The following AUTS2 variants were observed in gnomAD, a reference collection of about 807,000 sequenced individuals.
The protein encoded by AUTS2 is autism susceptibility gene 2 protein.
A neutral mutation model predicts 112.4 loss-of-function variants in AUTS2; 17 were observed. That is an observed-to-expected ratio of 0.15 (90% CI 0.10 to 0.23). The LOEUF is 0.23. Ranked by LOEUF, AUTS2 falls within the 10% of genes least tolerant of loss-of-function variation. The pLI is 1.00. For synonymous variants in AUTS2, 751 were observed against 702.7 expected, an observed-to-expected ratio of 1.07 and a Z score of -1.09; for missense variants, 1,510 against 1,701.6, an observed-to-expected ratio of 0.89 and a Z score of 1.98.
chr7:70,542,450 G>A (rs550906187), intron 5 of AUTS2, among the ~76,000 whole-genome samples: 2 of 152,250 alleles, frequency 1.3e-5, no homozygotes, highest in African/African-American at 4.8e-5. Context: ...GTTTTTTTAA[G>A]AGCAGCTGGT....
chr7:69,901,681 T>G (rs938731745), intron 2 of AUTS2, among the ~76,000 whole-genome samples: 2 of 152,210 alleles, frequency 1.3e-5, no homozygotes, highest in South Asian at 4.1e-4. Flanking sequence ...GTAAAACTTT[T>G]AAAAACAAGG....
chr7:69,605,160 G>A (rs1161867129), intron 1 of AUTS2, among the ~76,000 whole-genome samples: 1 of 152,168 alleles, frequency 6.6e-6, no homozygotes, highest in African/African-American at 2.4e-5. Context: ...ATACTAGAAA[G>A]GATCCAAAAA....
intron 2 of AUTS2, among the ~76,000 whole-genome samples, chr7:70,015,725 G>C (rs1169595949): frequency 6.6e-6 from 1 of 151,810 alleles, no homozygotes; most frequent in East Asian, 1.9e-4. Context: ...AGAAAAATTG[G>C]TAAAGCATTT....
intron 1 of AUTS2, among the ~76,000 whole-genome samples, chr7:69,874,762 G>A (rs995219390): frequency 6.6e-6 from 1 of 152,068 alleles, no homozygotes; most frequent in Admixed American, 6.6e-5. Context: ...TGGTTCAAGA[G>A]ATTCTCATGC....
At chr7:70,786,895 G>GA in intron 17 of AUTS2, 4 of 427,094 alleles carry the variant, frequency 9.4e-6, no homozygotes, top group Non-Finnish European at 1.7e-5. Flanking sequence ...TGCATGCCTG[G>GA]AACTTCTGCA....
chr7:70,420,962 A>G (rs1272905891), intron 4 of AUTS2, among the ~76,000 whole-genome samples: 1 of 152,224 alleles, frequency 6.6e-6, no homozygotes, highest in African/African-American at 2.4e-5. Context: ...AGTGAACAGT[A>G]TCCCATAAAG....
intron 2 of AUTS2, among the ~76,000 whole-genome samples, chr7:69,919,651 G>A (rs2129542685): frequency 6.6e-6 from 1 of 152,192 alleles, no homozygotes; most frequent in Admixed American, 6.5e-5. Context: ...CCAAGTTATT[G>A]CTGCTCTTTG....
intron 5 of AUTS2, among the ~76,000 whole-genome samples, chr7:70,555,499 T>G (rs553868350): frequency 6.6e-6 from 1 of 152,072 alleles, no homozygotes; most frequent in African/African-American, 2.4e-5. Flanking sequence ...TTTTCCAGAG[T>G]TACCTCCTTG....
chr7:70,380,443 G>A (rs748801552), intron 4 of AUTS2, among the ~76,000 whole-genome samples: 32 of 152,294 alleles, frequency 2.1e-4, no homozygotes, highest in South Asian at 6.2e-4. Context: ...CAGCATTGAC[G>A]TCTGACAGTA....
chr7:69,847,850 A>G (rs1353355892), intron 1 of AUTS2, among the ~76,000 whole-genome samples: 1 of 152,024 alleles, frequency 6.6e-6, no homozygotes, highest in Non-Finnish European at 1.5e-5. Context: ...CGCCTCTGAA[A>G]ACAGCTCTGC....
chr7:70,462,808 T>C (rs369675617), intron 5 of AUTS2, among the ~76,000 whole-genome samples: 3 of 152,208 alleles, frequency 2.0e-5, no homozygotes, highest in African/African-American at 7.2e-5. Flanking sequence ...AATATAAAAA[T>C]TAGCCAGGTG....
chr7:70,745,272 T>C (rs1788382738), intron 6 of AUTS2, among the ~76,000 whole-genome samples: 1 of 152,224 alleles, frequency 6.6e-6, no homozygotes, highest in Non-Finnish European at 1.5e-5. Context: ...CATTCACTGC[T>C]CCTCAGTGTT....
At chr7:69,763,779 GTCA>G (rs1788296559) in intron 1 of AUTS2, among the ~76,000 whole-genome samples, 1 of 152,164 alleles carries the variant, frequency 6.6e-6, no homozygotes. Context: ...CTGTGGTTTT[GTCA>G]TCATTATTAC....
intron 3 of AUTS2, among the ~76,000 whole-genome samples, chr7:70,127,810 C>G (rs1296677283): frequency 6.6e-6 from 1 of 152,052 alleles, no homozygotes; most frequent in African/African-American, 2.4e-5. Flanking sequence ...TGAGATACCC[C>G]TTCTCCTACT....
intron 1 of AUTS2, among the ~76,000 whole-genome samples, chr7:69,738,478 T>A (rs951086350): frequency 6.6e-6 from 1 of 151,808 alleles, no homozygotes; most frequent in African/African-American, 2.4e-5. Flanking sequence ...AGAGTGAGAG[T>A]GGGCTGCCCT....
In AUTS2 at chr7:70,325,288, C is replaced by T. The variant is rs1456218569; in HGVS notation, c.661-110464C>T. ...GCAGGGAGCTGTGATGGTACCACTT[C>T]ACTCCAGCCGGAGTGACAGAGCAAG... On this transcript the variant is annotated intron_variant, in intron 4 of 18. Transcript: ENST00000342771. Among the ~76,000 whole-genome samples, 5 of 152,070 alleles carry T rather than the reference C, an allele frequency of 3.3e-5. No homozygotes were observed. The South Asian group carries it at 8.3e-4, about 25-fold the overall frequency.
intron 5 of AUTS2, among the ~76,000 whole-genome samples, chr7:70,452,986 G>C (rs1381675721): frequency 6.6e-6 from 1 of 152,058 alleles, no homozygotes; most frequent in East Asian, 1.9e-4. Context: ...CAGCCTCCTG[G>C]GCCCCTCTCT....
chr7:69,673,259 A>G (rs1396628924), intron 1 of AUTS2, among the ~76,000 whole-genome samples: 3 of 152,208 alleles, frequency 2.0e-5, no homozygotes, highest in East Asian at 3.8e-4. Flanking sequence ...GTGGTGCTAA[A>G]AAAGGAAATT....
Position 69,776,569 on chromosome 7 carries a change from C to T in AUTS2, c.310-122717C>T, listed in dbSNP as rs560414749. ...TTAGTGAGACTACAGGTGCACGCCA[C>T]CACACCCAGCTAATTAAATAAAAAT... On this transcript the variant is annotated intron_variant, in intron 1 of 18. Coordinates refer to ENST00000342771, the MANE Select transcript of AUTS2 (RefSeq NM_015570.4). 4.6e-5 allele frequency among the ~76,000 whole-genome samples: 7 copies of T among 152,258 alleles called. No homozygotes were observed. In the South Asian group the frequency reaches 1.4e-3, roughly 32 times the overall value.
Sources: allele counts gnomAD v4.1 joint callset (sites outside exome capture counted in the v4.1 genomes callset), GRCh38; gene constraint gnomAD v4.1.1; transcripts MANE v1.5; gene names NCBI Gene and HGNC (gene_info 2026-07-23, HGNC 2026-07-21).